Variants in HROB observed in about 807,000 individuals in gnomAD.
The protein encoded by HROB is homologous recombination OB-fold protein.
Under a neutral mutation model 61.0 loss-of-function variants are expected in HROB, and 44 were observed. That is an observed-to-expected ratio of 0.72 (90% confidence interval 0.57 to 0.93). The LOEUF (loss-of-function observed/expected upper bound fraction) is 0.93, where lower values mean the gene tolerates loss of function less well. HROB is among the 40% of genes least tolerant of loss of function. HROB has a pLI of 0.00. For synonymous variants in HROB, 301 were observed against 310.4 expected (o/e 0.97, Z 0.32); for missense variants, 716 against 796.2 (o/e 0.90, Z 1.21).
At chr17:44,156,708 G>T (rs1338734482) in intron 8 of HROB, among the ~76,000 whole-genome samples, 9 of 149,986 alleles carry the variant, frequency 6.0e-5, no homozygotes, top group African/African-American at 2.2e-4. Context: ...CTGTCACCCA[G>T]GCTGTAGTGC....
intron 1 of HROB, 61 bp from the exon 2 acceptor site, chr17:44,145,142 G>A: frequency 6.4e-7 from 1 of 1,569,226 alleles, no homozygotes; most frequent in Non-Finnish European, 8.8e-7. Context: ...GAAGCAGAGT[G>A]AGGACAGAAT....
chr17:44,145,205 G>A lies in HROB; in HGVS notation c.6G>A (p.Ala2=), dbSNP rs553730961. The stretch of plus-strand genomic sequence containing the variant: ...CAGTTGGTTTTTTTTCTTTTCAGGC[G>A]TGCAGTTTGCAGAAGCTGTTTGCTG... M[A]CSLQKLFAVE... Residue 2 remains alanine (A), a splice_region_variant and synonymous_variant, in exon 2 of 10, where the codon GCG becomes GCA. Transcript: ENST00000585683. The A allele has an allele frequency of 2.2e-5, 36 of 1,613,770 alleles. No homozygotes were observed. The highest frequency in any genetic ancestry group is 7.7e-5 in the South Asian group (7 of 91,078).
chr17:44,142,869 C>T (rs1598079457), intron 1 of HROB, among the ~76,000 whole-genome samples: 1 of 152,172 alleles, frequency 6.6e-6, no homozygotes, highest in African/African-American at 2.4e-5. Flanking sequence ...TAAGATTGGT[C>T]AGGCGAAACC....
chr17:44,146,156 C>T (rs1370439249), intron 2 of HROB, among the ~76,000 whole-genome samples: 1 of 152,106 alleles, frequency 6.6e-6, no homozygotes, highest in East Asian at 1.9e-4. Context: ...CATAAGTGAT[C>T]CTCCCACCTC....
At chr17:44,146,718 G>A (rs996606446) in intron 2 of HROB, among the ~76,000 whole-genome samples, 9 of 151,710 alleles carry the variant, frequency 5.9e-5, no homozygotes, top group Non-Finnish European at 1.0e-4. Context: ...GAGTCCTGTG[G>A]TTGTCCTGCC....
chr17:44,155,980 G>T (rs1378466406), intron 8 of HROB, among the ~76,000 whole-genome samples: 1 of 151,822 alleles, frequency 6.6e-6, no homozygotes, highest in Admixed American at 6.6e-5. Context: ...TAGAGCCTGG[G>T]CTTGACTTGC....
intron 8 of HROB, among the ~76,000 whole-genome samples, chr17:44,157,455 C>G (rs1270811790): frequency 6.7e-6 from 1 of 149,412 alleles, no homozygotes; most frequent in Non-Finnish European, 1.5e-5. Context: ...ACTCTGTCCC[C>G]CAGGCTGGAG....
At chr17:44,155,008 T>C in intron 7 of HROB, 70 bp downstream of exon 7, 4 of 1,538,072 alleles carry the variant, frequency 2.6e-6, no homozygotes, top group Non-Finnish European at 3.5e-6. Flanking sequence ...CTTACCTGTT[T>C]GGCTGCCTTC....
intron 5 of HROB, among the ~76,000 whole-genome samples, chr17:44,153,715 G>C (rs1353308450): frequency 6.6e-6 from 1 of 152,106 alleles, no homozygotes; most frequent in Non-Finnish European, 1.5e-5. Context: ...TTGCACTCTA[G>C]CCTGGGCAAT....
chr17:44,160,997 T>A (rs972312229), intron 9 of HROB, among the ~76,000 whole-genome samples: 1 of 152,072 alleles, frequency 6.6e-6, no homozygotes, highest in Non-Finnish European at 1.5e-5. Flanking sequence ...GGTCAAGAGA[T>A]CAAGACCATC....
rs1009606865 is a variant in HROB, at chr17:44,157,870, C to T, written c.1808C>T (p.Pro603Leu). 6.2e-7 allele frequency: 1 copy of T among 1,613,568 alleles called. No homozygotes were observed. Among genetic ancestry groups the T allele is most frequent in the Non-Finnish European group, 8.5e-7 (1 of 1,179,744 alleles). Residue 603 changes from proline to leucine, a missense_variant, in exon 9 of 10, where the codon CCC becomes CTC. Pro to Leu is a moderately conservative substitution (Grantham distance 98). Transcript: ENST00000585683. ...TTCCAGCATGATGTGGCTGCAAAGC[C>T]CGAGGAAGGCTTCAGAACAGCACAG... ...GSFQHDVAAK[P>L]EEGFRTAQNL...
At chr17:44,142,990 G>C (rs953320134) in intron 1 of HROB, among the ~76,000 whole-genome samples, 2 of 152,134 alleles carry the variant, frequency 1.3e-5, no homozygotes, top group African/African-American at 4.8e-5. Flanking sequence ...AGGCTGAAGT[G>C]CAGTGGTGCG....
Position 44,162,319 on chromosome 17 carries a change from GGCCTGCCCC to G in HROB, c.*388_*396del. 4.9e-6 allele frequency: 1 copy of G among 204,374 alleles called. No individual in the cohort carries two copies. The highest frequency in any genetic ancestry group is 8.5e-5 in the South Asian group (1 of 11,766). The allele number at this position is 204,374 out of a possible 1,614,324, so 12.7% of individuals were successfully genotyped here. A position where few individuals can be genotyped will look rare whatever the true frequency, so the allele number is the denominator to read the frequency against. On this transcript the variant is annotated 3_prime_UTR_variant, in exon 10 of 10. Transcript: ENST00000585683. ...AAAGGAGCCACACCACAACAATGGC[GGCCTGCCCC>G]TCCACACAGGGGAGAAGCACGCTCA...
chr17:44,156,864 T>C (rs1359533238), intron 8 of HROB, among the ~76,000 whole-genome samples: 1 of 152,112 alleles, frequency 6.6e-6, no homozygotes, highest in African/African-American at 2.4e-5. Context: ...GATTTCACCA[T>C]GTTGGTCAGG....
chr17:44,142,155 C>A lies in HROB; in HGVS notation c.3+10C>A. The A allele has an allele frequency of 6.6e-7, 1 of 1,522,510 alleles. No individual in the cohort carries two copies. The highest frequency in any genetic ancestry group is 1.2e-5 in the South Asian group (1 of 83,392). The allele number at this position is 1,522,510 out of a possible 1,614,324, so 94.3% of individuals were successfully genotyped here. A position where few individuals can be genotyped will look rare whatever the true frequency, so the allele number is the denominator to read the frequency against. ...ACCCGCCGTCGCTATGGTAATGCCG[C>A]GCCCAGCTTGGGGGCTGGCGGGCCG... On this transcript the variant is annotated intron_variant, in intron 1 of 9. Transcript: ENST00000585683.
chr17:44,155,969 G>A (rs1446703139), intron 8 of HROB, among the ~76,000 whole-genome samples: 3 of 152,174 alleles, frequency 2.0e-5, no homozygotes, highest in African/African-American at 4.8e-5. Context: ...GGTTGAGAGT[G>A]TAGAGCCTGG....
chr17:44,158,042 T>A, intron 9 of HROB, 101 bp downstream of exon 9: 1 of 813,770 alleles, frequency 1.2e-6, no homozygotes, highest in Non-Finnish European at 1.9e-6. Flanking sequence ...TTTCCATGAA[T>A]CTTTGGATCT....
rs73314467 is a variant in HROB at position 44,154,593 on chromosome 17, A to C, written c.1487A>C (p.Asn496Thr). Reference protein sequence around the residue: ...LKQLPRNKVPNMAVMIKSLTR... With the variant: ...LKQLPRNKVPTMAVMIKSLTR... ...CAGCTTCCTAGGAACAAGGTCCCCAACATGGCGGTGATGATCAAGTCCCTG... is the reference window on the plus strand; with the variant it reads ...CAGCTTCCTAGGAACAAGGTCCCCACCATGGCGGTGATGATCAAGTCCCTG... The change falls in exon 6 of 10, where the codon AAC becomes ACC. Residue 496 changes from asparagine to threonine, a missense_variant. Coordinates refer to ENST00000585683, the MANE Select transcript of HROB (RefSeq NM_001171251.3). 4,720 of 1,614,142 alleles carry C rather than the reference A, an allele frequency of 2.9e-3. 95 individuals carry two copies. In the African/African-American group the frequency reaches 0.052, roughly 18 times the overall value.
At position 44,154,936 on chromosome 17, in the gene HROB, C is replaced by A; in HGVS notation, c.1642C>A (p.Gln548Lys). 2 of 1,613,332 alleles carry A rather than the reference C, an allele frequency of 1.2e-6. No individual in the cohort carries two copies. The highest frequency in any genetic ancestry group is 2.2e-5 in the South Asian group (2 of 90,934). Residue 548 changes from glutamine (Q) to lysine (K), a missense_variant and splice_region_variant, in exon 7 of 10, where the codon CAG (glutamine) becomes AAG (lysine). By Grantham distance (53) the Gln-to-Lys change is moderately conservative. Coordinates refer to ENST00000585683, the MANE Select transcript of HROB (RefSeq NM_001171251.3). ...GCCTGGCTCAGTGCTGCTGCTGAAG[C>A]AGGTATGGGGAGCAGCTCTCCACAC... ...LKPGSVLLLK[Q>K]IGVFSPSLRN...
Sources: gnomAD v4.1 joint callset for allele counts (sites outside exome capture counted in the v4.1 genomes callset) on GRCh38, gnomAD v4.1.1 for gene constraint, MANE v1.5 for transcripts, NCBI Gene and HGNC (gene_info 2026-07-23, HGNC 2026-07-21) for gene names.